The following NREP variants were observed in gnomAD, a reference collection of about 807,000 sequenced individuals.
NREP encodes neuronal regeneration related protein, also known as neuronal regeneration-related protein.
NREP carries 5 observed loss-of-function variants against 8.6 expected under a neutral mutation model. The observed-to-expected ratio is 0.58, with a 90% CI of 0.30 to 1.22. The LOEUF is 1.22. NREP is among the 50% of genes most tolerant of loss of function. NREP has a pLI of 0.07. For synonymous variants in NREP, 27 were observed against 28.0 expected (o/e 0.96, Z 0.11); for missense variants, 86 against 82.5 (o/e 1.04, Z -0.17).
intron 2 of NREP, among the ~76,000 whole-genome samples, chr5:111,907,633 C>T (rs1754809997): frequency 6.6e-6 from 1 of 152,052 alleles, no homozygotes; most frequent in African/African-American, 2.4e-5. Flanking sequence ...AATAATAGCA[C>T]AAATAATCAC....
intron 2 of NREP, among the ~76,000 whole-genome samples, chr5:111,872,797 T>C (rs145274126): frequency 1.2e-3 from 178 of 152,338 alleles, no homozygotes; most frequent in African/African-American, 4.2e-3. Context: ...CTTTCACTTG[T>C]ATCTTGACAG....
intron 2 of NREP, among the ~76,000 whole-genome samples, chr5:111,954,774 T>C (rs1756262590): frequency 6.6e-6 from 1 of 152,106 alleles, no homozygotes; most frequent in African/African-American, 2.4e-5. Context: ...ACTATTACCA[T>C]CAAGAAATGA....
intron 2 of NREP, among the ~76,000 whole-genome samples, chr5:111,742,234 C>A (rs1749729031): frequency 4.6e-5 from 7 of 152,076 alleles, no homozygotes; most frequent in Admixed American, 4.6e-4. Context: ...ATTTACAATT[C>A]TTGATCTTAT....
At chr5:111,909,619 A>G (rs1253690020) in intron 2 of NREP, among the ~76,000 whole-genome samples, 2 of 152,086 alleles carry the variant, frequency 1.3e-5, no homozygotes, top group African/African-American at 4.8e-5. Context: ...TAAAACCACC[A>G]AAGAGAGAAC....
upstream of NREP, among the ~76,000 whole-genome samples, chr5:111,759,517 G>A (rs546500595): frequency 6.6e-6 from 1 of 151,352 alleles, no homozygotes; most frequent in East Asian, 1.9e-4. Flanking sequence ...GCCTCCCAAA[G>A]TGCTGGGATT....
At chr5:111,812,168 T>A (rs917388205) in intron 2 of NREP, among the ~76,000 whole-genome samples, 5 of 152,070 alleles carry the variant, frequency 3.3e-5, no homozygotes, top group African/African-American at 1.2e-4. Flanking sequence ...ACACCGGTAG[T>A]CCCAGCTAAT....
chr5:111,828,011 C>A (rs1752668964), intron 2 of NREP, among the ~76,000 whole-genome samples: 1 of 151,904 alleles, frequency 6.6e-6, no homozygotes, highest in South Asian at 2.1e-4. Flanking sequence ...TAACTTGATA[C>A]AAAATATATA....
intron 2 of NREP, among the ~76,000 whole-genome samples, chr5:111,811,308 T>A (rs1337950702): frequency 6.8e-6 from 1 of 147,228 alleles, no homozygotes; most frequent in Non-Finnish European, 1.5e-5. Context: ...ATAAAACAAT[T>A]ATTAAGACAT....
intron 2 of NREP, among the ~76,000 whole-genome samples, chr5:111,790,327 C>T (rs1751710869): frequency 1.5e-5 from 2 of 136,734 alleles, no homozygotes; most frequent in East Asian, 2.1e-4. Flanking sequence ...AATCTTCACC[C>T]TATACTTCAA....
intron 2 of NREP, among the ~76,000 whole-genome samples, chr5:111,966,390 G>A (rs1047825155): frequency 6.6e-6 from 1 of 152,146 alleles, no homozygotes; most frequent in Non-Finnish European, 1.5e-5. Context: ...TCTATGCTTT[G>A]TTTTTAAAAT....
intron 2 of NREP, among the ~76,000 whole-genome samples, chr5:111,749,825 C>T (rs973920287): frequency 1.3e-5 from 2 of 152,170 alleles, no homozygotes; most frequent in African/African-American, 4.8e-5. Flanking sequence ...AAAGGATAAG[C>T]ATGCTCCCTT....
At chr5:111,937,919 G>A (rs966286534) in intron 2 of NREP, among the ~76,000 whole-genome samples, 5 of 152,048 alleles carry the variant, frequency 3.3e-5, no homozygotes, top group South Asian at 4.1e-4. Context: ...TCCAACTTAT[G>A]CCTGCTCTTG....
chr5:111,763,103 T>C (rs967880167), intron 2 of NREP, among the ~76,000 whole-genome samples: 1 of 152,230 alleles, frequency 6.6e-6, no homozygotes, highest in African/African-American at 2.4e-5. Flanking sequence ...TTTCCAGCTG[T>C]ATTTACACAG....
chr5:111,971,840 T>A (rs1358125483), intron 2 of NREP, among the ~76,000 whole-genome samples: 3 of 152,128 alleles, frequency 2.0e-5, no homozygotes, highest in Non-Finnish European at 4.4e-5. Flanking sequence ...GACAATGATT[T>A]TTTTTAATGT....
At chr5:111,828,444 A>C (rs1183535379) in intron 2 of NREP, among the ~76,000 whole-genome samples, 1 of 152,166 alleles carries the variant, frequency 6.6e-6, no homozygotes. Context: ...ATAGAAAAAA[A>C]AATTGTTGAG....
chr5:111,771,218 G>A (rs924485652), intron 2 of NREP, among the ~76,000 whole-genome samples: 2 of 152,074 alleles, frequency 1.3e-5, no homozygotes, highest in African/African-American at 4.8e-5. Context: ...TATTGAGGAG[G>A]TACATTTTCA....
intron 2 of NREP, among the ~76,000 whole-genome samples, chr5:111,811,513 C>T (rs1752268837): frequency 6.6e-6 from 1 of 152,150 alleles, no homozygotes; most frequent in Non-Finnish European, 1.5e-5. Context: ...AAATATAACA[C>T]CTCCTGCAAG....
chr5:111,889,078 C>T (rs1456322234), intron 2 of NREP, among the ~76,000 whole-genome samples: 1 of 152,218 alleles, frequency 6.6e-6, no homozygotes, highest in Non-Finnish European at 1.5e-5. Flanking sequence ...TTGTATTAGG[C>T]TCTTCTTGCC....
At chr5:111,737,624 C>T (rs1165951482) in intron 2 of NREP, among the ~76,000 whole-genome samples, 1 of 151,184 alleles carries the variant, frequency 6.6e-6, no homozygotes, top group African/African-American at 2.4e-5. Context: ...CTAAAACCAC[C>T]AAAGTCTAAT....
Sources: gnomAD v4.1 joint callset for allele counts (sites outside exome capture counted in the v4.1 genomes callset) on GRCh38, gnomAD v4.1.1 for gene constraint, MANE v1.5 for transcripts, NCBI Gene and HGNC (gene_info 2026-07-23, HGNC 2026-07-21) for gene names.